The following ADGRL2 variants were observed in gnomAD, a reference collection of about 807,000 sequenced individuals.
The protein encoded by ADGRL2 is calcium-independent alpha-latrotoxin receptor 2.
A neutral mutation model predicts 157.4 loss-of-function variants in ADGRL2; 44 were observed. That is an observed-to-expected ratio of 0.28 (90% CI 0.22 to 0.36). The LOEUF (loss-of-function observed/expected upper bound fraction) is 0.36. Ranked by LOEUF, ADGRL2 falls within the 10% of genes least tolerant of loss-of-function variation. ADGRL2 has a pLI of 1.00. For synonymous variants in ADGRL2, 585 were observed against 624.7 expected (o/e 0.94, Z 0.95); for missense variants, 1,510 against 1,768.9 (o/e 0.85, Z 2.63).
At chr1:81,634,322 G>A (rs1229442032) in intron 3 of ADGRL2, among the ~76,000 whole-genome samples, 1 of 152,062 alleles carries the variant, frequency 6.6e-6, no homozygotes, top group South Asian at 2.1e-4. Context: ...AAAATCCACA[G>A]TGATCTTTCC....
intron 17 of ADGRL2, among the ~76,000 whole-genome samples, chr1:81,977,350 G>T (rs1396707854): frequency 6.6e-6 from 1 of 151,806 alleles, no homozygotes; most frequent in Non-Finnish European, 1.5e-5. Flanking sequence ...GAAATGCATT[G>T]AACAGTCTGT....
At chr1:81,636,612 G>T (rs1057358387) in intron 3 of ADGRL2, among the ~76,000 whole-genome samples, 1 of 151,810 alleles carries the variant, frequency 6.6e-6, no homozygotes, top group South Asian at 2.1e-4. Context: ...TTACCCATAC[G>T]TCCCCATTTT....
chr1:81,386,051 T>G (rs2076429298), intron 1 of ADGRL2, among the ~76,000 whole-genome samples: 1 of 152,168 alleles, frequency 6.6e-6, no homozygotes, highest in Non-Finnish European at 1.5e-5. Flanking sequence ...ATTTGTTTTC[T>G]GTTTAAATAG....
intron 9 of ADGRL2, among the ~76,000 whole-genome samples, chr1:81,952,390 C>T (rs1433999282): frequency 6.6e-6 from 1 of 152,062 alleles, no homozygotes; most frequent in African/African-American, 2.4e-5. Flanking sequence ...CTTTATCTAT[C>T]TGATTGTGGT....
chr1:81,865,075 G>A (rs1017930896), intron 2 of ADGRL2, among the ~76,000 whole-genome samples: 2 of 152,116 alleles, frequency 1.3e-5, no homozygotes, highest in Admixed American at 1.3e-4. Context: ...GTATTTTGAT[G>A]TCTCTGCCCT....
intron 1 of ADGRL2, among the ~76,000 whole-genome samples, chr1:81,398,902 A>G (rs187691513): frequency 6.6e-6 from 1 of 152,256 alleles, no homozygotes; most frequent in East Asian, 1.9e-4. Flanking sequence ...GGTTGAATCT[A>G]TTTGAGGAAC....
rs193263377 is a variant in ADGRL2 at position 81,421,375 on chromosome 1, T to C, written c.-301-23661T>C. Among the ~76,000 whole-genome samples, 128 of 152,260 alleles carry C rather than the reference T, an allele frequency of 8.4e-4. 2 individuals carry two copies. The East Asian group carries it at 0.022, about 26-fold the overall frequency. Reference sequence around the variant, plus strand: ...ATTGTACAATAATGGATGCCTAAGGTAGTGTTTCAAGACTGCTACAAAAAT... The same window carrying C: ...ATTGTACAATAATGGATGCCTAAGGCAGTGTTTCAAGACTGCTACAAAAAT... On this transcript the variant is annotated intron_variant, in intron 1 of 24. Coordinates refer to the ADGRL2 transcript ENST00000370721.
At chr1:81,521,083 A>G (rs2079303394) in intron 2 of ADGRL2, among the ~76,000 whole-genome samples, 1 of 152,198 alleles carries the variant, frequency 6.6e-6, no homozygotes, top group Admixed American at 6.5e-5. Context: ...AAAGCAAGGA[A>G]ACGTCATCTT....
At chr1:81,968,726 G>A (rs778705860) in intron 14 of ADGRL2, among the ~76,000 whole-genome samples, 1 of 152,152 alleles carries the variant, frequency 6.6e-6, no homozygotes, top group African/African-American at 2.4e-5. Context: ...TCTCAGATCC[G>A]TAGTATGTGT....
At chr1:81,747,767 G>T (rs1351752853) in intron 1 of ADGRL2, among the ~76,000 whole-genome samples, 2 of 151,790 alleles carry the variant, frequency 1.3e-5, no homozygotes. Flanking sequence ...GAGTGAGAAA[G>T]AGACAAAGTA....
At chr1:81,646,693 G>C (rs940689369) in intron 3 of ADGRL2, among the ~76,000 whole-genome samples, 2 of 152,104 alleles carry the variant, frequency 1.3e-5, no homozygotes, top group Non-Finnish European at 2.9e-5. Context: ...CAGTCAGTAG[G>C]TCCTTTTTTG....
intron 1 of ADGRL2, among the ~76,000 whole-genome samples, chr1:81,313,235 G>A (rs1361381159): frequency 2.6e-5 from 4 of 152,106 alleles, no homozygotes; most frequent in Non-Finnish European, 4.4e-5. Flanking sequence ...ACATCAAAGC[G>A]CTGATCCTAA....
At chr1:81,935,952 T>A (rs2095304767) in intron 3 of ADGRL2, among the ~76,000 whole-genome samples, 1 of 151,932 alleles carries the variant, frequency 6.6e-6, no homozygotes, top group Non-Finnish European at 1.5e-5. Context: ...GGCATCATGT[T>A]AGTACAACAT....
At chr1:81,893,314 C>CTTTTTTTTTTTT (rs759728020) in intron 2 of ADGRL2, among the ~76,000 whole-genome samples, 1 of 150,380 alleles carries the variant, frequency 6.6e-6, no homozygotes, top group Non-Finnish European at 1.5e-5. Context: ...CTTATCAATC[C>CTTTTTTTTTTTT]TGTCTTGTAT....
At chr1:81,791,685 T>A (rs1205026534) in intron 2 of ADGRL2, among the ~76,000 whole-genome samples, 1 of 152,176 alleles carries the variant, frequency 6.6e-6, no homozygotes, top group African/African-American at 2.4e-5. Flanking sequence ...TTACCTATTA[T>A]GTTCTGTGTA....
At chr1:81,426,657 G>C in intron 1 of ADGRL2, 1 of 468,854 alleles carries the variant, frequency 2.1e-6, no homozygotes, top group Non-Finnish European at 4.2e-6. Flanking sequence ...ATGGTAATGA[G>C]ACACCCCCAA....
At chr1:81,667,295 C>A (rs12568053) in intron 3 of ADGRL2, among the ~76,000 whole-genome samples, 1 of 152,022 alleles carries the variant, frequency 6.6e-6, no homozygotes, top group Non-Finnish European at 1.5e-5. Context: ...TGTTATAATT[C>A]ACGTTTGTTT....
chr1:81,585,275 G>A (rs1310909676), intron 3 of ADGRL2, among the ~76,000 whole-genome samples: 1 of 152,064 alleles, frequency 6.6e-6, no homozygotes, highest in Non-Finnish European at 1.5e-5. Context: ...ATAGTTATAT[G>A]TAATTATTTC....
At chr1:81,745,532 G>A (rs769452258) in intron 1 of ADGRL2, among the ~76,000 whole-genome samples, 29 of 152,226 alleles carry the variant, frequency 1.9e-4, no homozygotes, top group East Asian at 5.8e-4. Context: ...AGGATTAAAT[G>A]GATCAATGTA....
Sources: gnomAD v4.1 joint callset for allele counts (sites outside exome capture counted in the v4.1 genomes callset) on GRCh38, gnomAD v4.1.1 for gene constraint, MANE v1.5 for transcripts, NCBI Gene and HGNC (gene_info 2026-07-23, HGNC 2026-07-21) for gene names.